Variants in XRCC5 observed in about 807,000 individuals in gnomAD.
XRCC5 encodes DNA repair protein Ku80.
Under a neutral mutation model 95.7 loss-of-function variants are expected in XRCC5, and 12 were observed. The observed-to-expected ratio is 0.13, with a 90% CI of 0.08 to 0.20. The LOEUF is 0.20. Ranked by LOEUF, XRCC5 falls within the 10% of genes least tolerant of loss-of-function variation. XRCC5 has a pLI of 1.00. For synonymous variants in XRCC5, 281 were observed against 290.3 expected (o/e 0.97, Z 0.33); for missense variants, 595 against 873.9 (o/e 0.68, Z 4.02).
chr2:216,111,355 C>G, intron 1 of XRCC5: 1 of 447,406 alleles, frequency 2.2e-6, no homozygotes, highest in Non-Finnish European at 4.5e-6. Flanking sequence ...GACCCCAACT[C>G]TACAAAAAAA....
chr2:216,109,504 G>C (rs369188884), intron 1 of XRCC5, 47 bp downstream of exon 1: 24 of 1,611,158 alleles, frequency 1.5e-5, no homozygotes, highest in Non-Finnish European at 1.9e-5. Flanking sequence ...CTGGGGATCC[G>C]GAGAGGGTGG....
intron 5 of XRCC5, among the ~76,000 whole-genome samples, chr2:216,121,833 G>T (rs1284431157): frequency 6.6e-6 from 1 of 152,158 alleles, no homozygotes; most frequent in African/African-American, 2.4e-5. Context: ...GTGCCACCCT[G>T]CCCTTTCAGT....
chr2:216,172,931 A>G (rs766262927), intron 16 of XRCC5, among the ~76,000 whole-genome samples: 1 of 152,162 alleles, frequency 6.6e-6, no homozygotes, highest in Non-Finnish European at 1.5e-5. Flanking sequence ...ATAATGTTTT[A>G]TAGTTTTTAG....
intron 19 of XRCC5, among the ~76,000 whole-genome samples, chr2:216,198,227 T>TG: frequency 6.6e-6 from 1 of 152,326 alleles, no homozygotes; most frequent in East Asian, 1.9e-4. Flanking sequence ...AATGGAATCT[T>TG]GGACCAATCA....
At chr2:216,175,043 C>A in intron 16 of XRCC5, 1 of 306,740 alleles carries the variant, frequency 3.3e-6, no homozygotes, top group South Asian at 3.4e-5. Flanking sequence ...TTTCCAGAAT[C>A]ATTATAGTTC....
intron 2 of XRCC5, among the ~76,000 whole-genome samples, 192 bp from the exon 3 acceptor site, chr2:216,116,467 A>G (rs1398889094): frequency 6.6e-6 from 1 of 152,202 alleles, no homozygotes; most frequent in Non-Finnish European, 1.5e-5. Flanking sequence ...ACTTATGGTC[A>G]ATGAAAAACA....
intron 13 of XRCC5, among the ~76,000 whole-genome samples, chr2:216,142,963 TA>T (rs1292017305): frequency 6.6e-6 from 1 of 152,242 alleles, no homozygotes; most frequent in Non-Finnish European, 1.5e-5. Flanking sequence ...AAGTTGAGAA[TA>T]TAAGTTGAAA....
chr2:216,176,267 C>T (rs1161575117), intron 16 of XRCC5, among the ~76,000 whole-genome samples: 1 of 152,034 alleles, frequency 6.6e-6, no homozygotes, highest in African/African-American at 2.4e-5. Context: ...GACAGGCGCC[C>T]GCCACCACAC....
chr2:216,149,659 T>C (rs747626721), intron 14 of XRCC5, among the ~76,000 whole-genome samples: 2 of 152,196 alleles, frequency 1.3e-5, no homozygotes, highest in African/African-American at 4.8e-5. Context: ...TCTGGTGTTG[T>C]GGGAAAGAAA....
At chr2:216,185,430 AT>A (rs1689477886) in intron 16 of XRCC5, among the ~76,000 whole-genome samples, 1 of 152,250 alleles carries the variant, frequency 6.6e-6, no homozygotes, top group Non-Finnish European at 1.5e-5. Flanking sequence ...TCAGGCAAAT[AT>A]CTTTTATAAG....
intron 14 of XRCC5, among the ~76,000 whole-genome samples, chr2:216,149,799 C>G (rs1357476165): frequency 1.3e-5 from 2 of 152,104 alleles, no homozygotes; most frequent in Admixed American, 1.3e-4. Context: ...GGCTCTGGTC[C>G]TGCTGGGCAC....
rs995796697 is a variant in XRCC5 at position 216,116,616 on chromosome 2, A to G, written c.136-43A>G. ...AGGTTAGGTATTTTATTGCTTCCAG[A>G]TTGTTCTAATATGGTTTTCAGCCAT... On this transcript the variant is annotated intron_variant, in intron 2 of 20. Transcript: ENST00000392132. 5.0e-6 allele frequency: 8 copies of G among 1,612,090 alleles called. No individual in the cohort carries two copies. The African/African-American group carries it at 1.1e-4, about 22-fold the overall frequency.
chr2:216,198,327 CAT>C (rs1450159569), intron 19 of XRCC5, among the ~76,000 whole-genome samples: 2 of 150,898 alleles, frequency 1.3e-5, no homozygotes, highest in Non-Finnish European at 3.0e-5. Flanking sequence ...ACCTGGAAGT[CAT>C]AGAGTAGACC....
At chr2:216,176,389 G>T (rs1689277380) in intron 16 of XRCC5, among the ~76,000 whole-genome samples, 1 of 152,164 alleles carries the variant, frequency 6.6e-6, no homozygotes, top group Non-Finnish European at 1.5e-5. Context: ...AAAGTGCTGG[G>T]ATTACAGGCG....
In XRCC5 at chr2:216,205,211, T is replaced by C; in HGVS notation, c.*9T>C. ...AGTTGGACATGATATAGGTCGTGGA[T>C]GTATGGGGAATCTAAGAGAGCTGCC... On this transcript the variant is annotated 3_prime_UTR_variant, in exon 21 of 21. Transcript: ENST00000392132. The C allele has an allele frequency of 6.2e-7, 1 of 1,614,014 alleles. No individual in the cohort carries two copies. Among genetic ancestry groups the C allele is most frequent in the African/African-American group, 1.3e-5 (1 of 75,046 alleles).
chr2:216,175,875 A>G (rs1689263378), intron 16 of XRCC5: 2 of 425,936 alleles, frequency 4.7e-6, no homozygotes, highest in Admixed American at 2.6e-5. Context: ...TGTTCTCTTA[A>G]CCCATCATCT....
intron 2 of XRCC5, among the ~76,000 whole-genome samples, chr2:216,115,554 A>C (rs1468085770): frequency 6.6e-6 from 1 of 152,220 alleles, no homozygotes; most frequent in Non-Finnish European, 1.5e-5. Flanking sequence ...TTGTTTACAG[A>C]CTAAAGGATT....
At chr2:216,186,398 C>T (rs1422075151) in intron 16 of XRCC5, among the ~76,000 whole-genome samples, 2 of 152,086 alleles carry the variant, frequency 1.3e-5, no homozygotes, top group Admixed American at 1.3e-4. Context: ...GAAAACTTCG[C>T]CATTTTCCTC....
intron 16 of XRCC5, among the ~76,000 whole-genome samples, chr2:216,169,036 G>A (rs1000376515): frequency 6.6e-5 from 10 of 152,228 alleles, no homozygotes; most frequent in Non-Finnish European, 1.3e-4. Flanking sequence ...CTGTTGATAG[G>A]ACTTTTGATG....
Sources: allele counts gnomAD v4.1 joint callset (sites outside exome capture counted in the v4.1 genomes callset), GRCh38; gene constraint gnomAD v4.1.1; transcripts MANE v1.5; gene names NCBI Gene and HGNC (gene_info 2026-07-23, HGNC 2026-07-21).